Variants in OR3A2 observed in about 807,000 individuals in gnomAD.
OR3A2 encodes the protein olfactory receptor family 3 subfamily A member 2.
For missense variants in OR3A2, 318 were observed against 392.8 expected (o/e 0.81, Z 1.61); for synonymous variants, 126 against 159.3 (o/e 0.79, Z 1.57).
chr17:3,339,058 GCT>G (rs1348860787), intron 2 of OR3A2, among the ~76,000 whole-genome samples: 1 of 151,980 alleles, frequency 6.6e-6, no homozygotes, highest in Non-Finnish European at 1.5e-5. Flanking sequence ...TTATGATTTG[GCT>G]CTCTGTTTGT....
intron 2 of OR3A2, among the ~76,000 whole-genome samples, chr17:3,347,073 T>A (rs1203776563): frequency 6.6e-6 from 1 of 152,140 alleles, no homozygotes; most frequent in Admixed American, 6.6e-5. Flanking sequence ...GACTGCTGGA[T>A]CATAGGATAG....
At chr17:3,306,553 TG>T (rs1336329116) in intron 3 of OR3A2, among the ~76,000 whole-genome samples, 2 of 151,802 alleles carry the variant, frequency 1.3e-5, no homozygotes, top group African/African-American at 4.8e-5. Context: ...AGAGTGTTTG[TG>T]GGGGGTGGGG....
At chr17:3,381,767 T>C (rs2049738294) in intron 2 of OR3A2, among the ~76,000 whole-genome samples, 1 of 152,188 alleles carries the variant, frequency 6.6e-6, no homozygotes, top group African/African-American at 2.4e-5. Flanking sequence ...ATGTGTCCAC[T>C]GAATGCCTTG....
intron 3 of OR3A2, among the ~76,000 whole-genome samples, chr17:3,335,235 A>G (rs1262882443): frequency 6.6e-6 from 1 of 152,110 alleles, no homozygotes; most frequent in Non-Finnish European, 1.5e-5. Flanking sequence ...ATTTTCTGCA[A>G]ATATTTCTCC....
intron 1 of OR3A2, among the ~76,000 whole-genome samples, chr17:3,281,339 T>C (rs2048775655): frequency 6.6e-6 from 1 of 151,434 alleles, no homozygotes; most frequent in Non-Finnish European, 1.5e-5. Flanking sequence ...GTTCAAGAGA[T>C]TCTCCTGCCT....
intron 2 of OR3A2, among the ~76,000 whole-genome samples, chr17:3,373,379 G>C (rs1264431370): frequency 6.6e-6 from 1 of 152,162 alleles, no homozygotes; most frequent in Admixed American, 6.5e-5. Context: ...GTCTAGTGCT[G>C]TCAGTAGAGT....
intron 2 of OR3A2, among the ~76,000 whole-genome samples, chr17:3,365,782 A>T (rs2049557817): frequency 6.6e-6 from 1 of 152,212 alleles, no homozygotes; most frequent in African/African-American, 2.4e-5. Context: ...GAAGCTGAAA[A>T]ATACAACGTG....
chr17:3,286,572 C>T (rs1661646398), upstream of OR3A2, among the ~76,000 whole-genome samples: 1 of 151,684 alleles, frequency 6.6e-6, no homozygotes, highest in Non-Finnish European at 1.5e-5. Context: ...TCCTCTCCAG[C>T]ATCTATTGTT....
intron 2 of OR3A2, among the ~76,000 whole-genome samples, chr17:3,352,147 T>G (rs1396775867): frequency 6.6e-6 from 1 of 152,000 alleles, no homozygotes; most frequent in Non-Finnish European, 1.5e-5. Context: ...TATATTCTGG[T>G]TATTAATCCT....
chr17:3,373,643 G>A (rs2049653273), intron 2 of OR3A2, among the ~76,000 whole-genome samples: 1 of 152,020 alleles, frequency 6.6e-6, no homozygotes, highest in African/African-American at 2.4e-5. Flanking sequence ...CATTTGCATG[G>A]AATATTTTTT....
intron 3 of OR3A2, among the ~76,000 whole-genome samples, chr17:3,333,980 T>C (rs1365992464): frequency 6.6e-6 from 1 of 152,158 alleles, no homozygotes; most frequent in Non-Finnish European, 1.5e-5. Flanking sequence ...AAGACATTCA[T>C]GCCGCCAAAA....
intron 2 of OR3A2, among the ~76,000 whole-genome samples, chr17:3,359,427 T>C (rs779869180): frequency 6.6e-6 from 1 of 151,750 alleles, no homozygotes; most frequent in Non-Finnish European, 1.5e-5. Context: ...TTCCTTTCTA[T>C]ATTTAGTGCT....
chr17:3,286,715 A>C (rs2048816783), upstream of OR3A2, among the ~76,000 whole-genome samples: 2 of 152,284 alleles, frequency 1.3e-5, no homozygotes, highest in South Asian at 4.1e-4. Context: ...GGCTGCATAA[A>C]TGTCTTCTTT....
intron 2 of OR3A2, among the ~76,000 whole-genome samples, chr17:3,371,475 T>C (rs1392069941): frequency 3.3e-4 from 22 of 66,306 alleles, no homozygotes; most frequent in East Asian, 1.5e-3. Context: ...GGGGGGCTGA[T>C]CCCCCCACCT....
At chr17:3,317,229 G>A (rs528764867) in intron 3 of OR3A2, among the ~76,000 whole-genome samples, 16 of 151,904 alleles carry the variant, frequency 1.1e-4, no homozygotes, top group Non-Finnish European at 1.3e-4. Flanking sequence ...CTGAGAAGTA[G>A]CAATAAGTGA....
chr17:3,296,319 TA>T (rs2048917775), intron 3 of OR3A2, among the ~76,000 whole-genome samples: 2 of 152,138 alleles, frequency 1.3e-5, no homozygotes, highest in Admixed American at 1.3e-4. Context: ...CAGCACATTT[TA>T]AAAAATGGAT....
intron 2 of OR3A2, among the ~76,000 whole-genome samples, chr17:3,342,762 G>T (rs1455560368): frequency 6.6e-6 from 1 of 152,218 alleles, no homozygotes; most frequent in East Asian, 1.9e-4. Context: ...GAGGCAGTCT[G>T]TCCATTCTCA....
rs2049043893 is a variant in OR3A2 at position 3,311,458 on chromosome 17, A to G, written c.-85+24575T>C. 1 of 457,248 alleles carries G rather than the reference A, an allele frequency of 2.2e-6. No individual in the cohort carries two copies. Among genetic ancestry groups the G allele is most frequent in the Non-Finnish European group, 4.5e-6 (1 of 221,728 alleles). The allele number at this position is 457,248 out of a possible 1,614,324, so 28.3% of individuals were successfully genotyped here. A position where few individuals can be genotyped will look rare whatever the true frequency, so the allele number is the denominator to read the frequency against. ...AATTTGCTGCACTGTCTCCTTCATC[A>G]ATGCTCTGACTCACACAGTGGCTGT... On this transcript the variant is annotated intron_variant, in intron 3 of 4. Transcript: ENST00000573491. The surrounding 1 kb of genome is among the most constrained non-coding windows in gnomAD (Gnocchi z 4.6).
At chr17:3,322,469 A>T (rs979315004) in intron 3 of OR3A2, among the ~76,000 whole-genome samples, 1 of 151,980 alleles carries the variant, frequency 6.6e-6, no homozygotes, top group Non-Finnish European at 1.5e-5. Flanking sequence ...ATGTTAGGGC[A>T]TCAATTTTAG....
Sources: allele counts gnomAD v4.1 joint callset (sites outside exome capture counted in the v4.1 genomes callset), GRCh38; gene constraint gnomAD v4.1.1; non-coding constraint Gnocchi (gnomAD v3.1); transcripts MANE v1.5; gene names NCBI Gene and HGNC (gene_info 2026-07-23, HGNC 2026-07-21).